CCDC85A: variants seen among roughly 807,000 people sequenced by gnomAD.
CCDC85A encodes coiled-coil domain-containing protein 85A.
In CCDC85A, 38 loss-of-function variants were observed where a neutral mutation model predicts 50.2. That is an observed-to-expected ratio of 0.76 (90% confidence interval 0.58 to 0.99). The LOEUF (loss-of-function observed/expected upper bound fraction) is 0.99. CCDC85A is among the 50% of genes least tolerant of loss of function. The probability of loss-of-function intolerance (pLI) is 0.00; values close to 1 mark genes in which losing one functional copy is unlikely to be tolerated. For synonymous variants in CCDC85A, 366 were observed against 301.4 expected (o/e 1.21, Z -2.22); for missense variants, 820 against 742.0 (o/e 1.11, Z -1.22).
At chr2:56,231,842 A>G (rs1231447691) in intron 2 of CCDC85A, among the ~76,000 whole-genome samples, 2 of 152,076 alleles carry the variant, frequency 1.3e-5, no homozygotes, top group East Asian at 3.9e-4. Context: ...GTAGCTCTTC[A>G]GTTCCCCCTA....
intron 2 of CCDC85A, among the ~76,000 whole-genome samples, chr2:56,258,534 G>A (rs1338263917): frequency 1.3e-5 from 2 of 152,176 alleles, no homozygotes; most frequent in Non-Finnish European, 2.9e-5. Flanking sequence ...TACCAGACTT[G>A]GCCTGGGATG....
intron 2 of CCDC85A, among the ~76,000 whole-genome samples, chr2:56,194,425 A>T (rs1240876105): frequency 6.6e-6 from 1 of 152,168 alleles, no homozygotes; most frequent in Non-Finnish European, 1.5e-5. Flanking sequence ...ATCTAAAACG[A>T]TTGATTTTAT....
At chr2:56,238,084 A>T (rs1196690072) in intron 2 of CCDC85A, among the ~76,000 whole-genome samples, 3 of 152,186 alleles carry the variant, frequency 2.0e-5, no homozygotes, top group Non-Finnish European at 4.4e-5. Flanking sequence ...TGTATTATTC[A>T]TCTCTGCTTT....
rs557802449 is a variant in CCDC85A at position 56,203,274 on chromosome 2, A to G, written c.1240+9834A>G. The stretch of plus-strand genomic sequence containing the variant: ...ATAAACGTTATCCAGGTGGTTTGCC[A>G]TGAATAGCTCCCCCAGTATAGTGAC... On this transcript the variant is annotated intron_variant, in intron 2 of 5. Transcript: ENST00000407595. 5.3e-5 allele frequency among the ~76,000 whole-genome samples: 8 copies of G among 152,322 alleles called. No homozygotes were observed. In the South Asian group the frequency reaches 1.7e-3, roughly 32 times the overall value.
At chr2:56,243,170 T>C (rs1407773229) in intron 2 of CCDC85A, among the ~76,000 whole-genome samples, 1 of 152,106 alleles carries the variant, frequency 6.6e-6, no homozygotes, top group Non-Finnish European at 1.5e-5. Context: ...AATATTGATA[T>C]CTTTGTCTAT....
chr2:56,355,695 A>T (rs1015936944), intron 3 of CCDC85A, among the ~76,000 whole-genome samples: 1 of 152,208 alleles, frequency 6.6e-6, no homozygotes, highest in Admixed American at 6.5e-5. Flanking sequence ...TATTAATTTG[A>T]CTATTGTTCT....
intron 2 of CCDC85A, among the ~76,000 whole-genome samples, chr2:56,305,747 A>G (rs537451545): frequency 6.6e-5 from 10 of 152,350 alleles, no homozygotes; most frequent in Non-Finnish European, 1.5e-4. Flanking sequence ...TTATATGCTT[A>G]AAATTCAATA....
chr2:56,203,428 T>C (rs758835230), intron 2 of CCDC85A, among the ~76,000 whole-genome samples: 1 of 152,072 alleles, frequency 6.6e-6, no homozygotes, highest in Non-Finnish European at 1.5e-5. Flanking sequence ...CTTCAGTCCC[T>C]TATTCTAAAA....
At chr2:56,248,332 C>A (rs755458217) in intron 2 of CCDC85A, among the ~76,000 whole-genome samples, 9 of 152,136 alleles carry the variant, frequency 5.9e-5, no homozygotes, top group Non-Finnish European at 1.2e-4. Context: ...TATGGGGAAG[C>A]CCTGGCATCG....
chr2:56,358,409 A>G (rs1675343764), intron 3 of CCDC85A, among the ~76,000 whole-genome samples: 3 of 152,212 alleles, frequency 2.0e-5, no homozygotes, highest in African/African-American at 7.2e-5. Flanking sequence ...TGGTTCATTT[A>G]CTGCTTCCGT....
chr2:56,372,254 T>C (rs1676110492), intron 3 of CCDC85A, 90 bp from the exon 4 acceptor site: 1 of 1,313,890 alleles, frequency 7.6e-7, no homozygotes, highest in Non-Finnish European at 1.0e-6. Context: ...TTGTGGTTCA[T>C]CTCATTAAGC....
intron 2 of CCDC85A, among the ~76,000 whole-genome samples, chr2:56,252,953 A>T (rs1669830842): frequency 6.6e-6 from 1 of 152,094 alleles, no homozygotes; most frequent in Admixed American, 6.6e-5. Flanking sequence ...GGGGAGGCGG[A>T]GGTTGCAGTA....
At chr2:56,279,452 C>T (rs1168775246) in intron 2 of CCDC85A, among the ~76,000 whole-genome samples, 1 of 152,154 alleles carries the variant, frequency 6.6e-6, no homozygotes, top group Non-Finnish European at 1.5e-5. Context: ...TCCCCTTCAC[C>T]CCTGGCTCCA....
chr2:56,268,680 C>A (rs981158167), intron 2 of CCDC85A, among the ~76,000 whole-genome samples: 2 of 150,788 alleles, frequency 1.3e-5, no homozygotes, highest in African/African-American at 4.9e-5. Context: ...CAAGAAATTA[C>A]AGATTTTCAA....
chr2:56,218,204 C>T (rs1036542257), intron 2 of CCDC85A, among the ~76,000 whole-genome samples: 2 of 151,848 alleles, frequency 1.3e-5, no homozygotes, highest in Non-Finnish European at 2.9e-5. Flanking sequence ...TGCTAAATAT[C>T]CTCTTTTTAT....
chr2:56,333,080 G>A (rs1414195873), intron 2 of CCDC85A, among the ~76,000 whole-genome samples: 1 of 152,180 alleles, frequency 6.6e-6, no homozygotes, highest in East Asian at 1.9e-4. Context: ...GGAGAAACAG[G>A]CCTTATATAA....
chr2:56,260,082 A>G (rs959989032), intron 2 of CCDC85A, among the ~76,000 whole-genome samples: 1 of 152,160 alleles, frequency 6.6e-6, no homozygotes, highest in African/African-American at 2.4e-5. Context: ...AATAAAAGAG[A>G]AGTAGGATCT....
At chr2:56,209,500 G>T (rs1196880761) in intron 2 of CCDC85A, among the ~76,000 whole-genome samples, 1 of 150,162 alleles carries the variant, frequency 6.7e-6, no homozygotes, top group African/African-American at 2.5e-5. Context: ...TATTGACAGA[G>T]AATGGCCTTT....
At chr2:56,320,270 G>T (rs1387081188) in intron 2 of CCDC85A, among the ~76,000 whole-genome samples, 1 of 151,916 alleles carries the variant, frequency 6.6e-6, no homozygotes, top group Non-Finnish European at 1.5e-5. Flanking sequence ...CTAGCAGAAG[G>T]CAAGACATAA....
Sources: gnomAD v4.1 joint callset for allele counts (sites outside exome capture counted in the v4.1 genomes callset) on GRCh38, gnomAD v4.1.1 for gene constraint, MANE v1.5 for transcripts, NCBI Gene and HGNC (gene_info 2026-07-23, HGNC 2026-07-21) for gene names.